SLC5A1: variants seen among roughly 807,000 people sequenced by gnomAD.
SLC5A1 encodes sodium/glucose cotransporter 1.
Under a neutral mutation model 73.5 loss-of-function variants are expected in SLC5A1, and 42 were observed. That is an observed-to-expected ratio of 0.57 (90% CI 0.45 to 0.74). The LOEUF (loss-of-function observed/expected upper bound fraction) is 0.74. SLC5A1 is among the 30% of genes least tolerant of loss of function. The pLI is 0.00. For missense variants in SLC5A1, 634 were observed against 855.4 expected (o/e 0.74, Z 3.23); for synonymous variants, 300 against 317.4 (o/e 0.95, Z 0.58).
intron 2 of SLC5A1, among the ~76,000 whole-genome samples, chr22:32,060,612 C>T (rs2093960851): frequency 6.6e-6 from 1 of 152,112 alleles, no homozygotes; most frequent in Non-Finnish European, 1.5e-5. Flanking sequence ...ATTCTGTCCC[C>T]CCAATTGCAG....
intron 6 of SLC5A1, 49 bp downstream of exon 6, chr22:32,082,020 G>A (rs1224687924): frequency 1.0e-5 from 12 of 1,164,490 alleles, no homozygotes; most frequent in African/African-American, 1.5e-5. Flanking sequence ...TCGGGATCAG[G>A]CACTAGTGAA....
chr22:32,061,010 C>T (rs1040885910), intron 2 of SLC5A1, among the ~76,000 whole-genome samples: 13 of 152,260 alleles, frequency 8.5e-5, no homozygotes, highest in Non-Finnish European at 1.2e-4. Flanking sequence ...GCATAAGAAT[C>T]ACCCGAAGAG....
chr22:32,077,956 A>G (rs1454981038), intron 5 of SLC5A1, among the ~76,000 whole-genome samples: 2 of 152,226 alleles, frequency 1.3e-5, no homozygotes, highest in Admixed American at 1.3e-4. Context: ...GGAGATGCAC[A>G]CTTTAACTCC....
intron 6 of SLC5A1, 50 bp from the exon 7 acceptor site, chr22:32,083,023 AC>A: frequency 2.0e-6 from 3 of 1,533,134 alleles, no homozygotes; most frequent in Non-Finnish European, 2.7e-6. Flanking sequence ...AAGCAAGTAG[AC>A]AGGTCACCCT....
intron 2 of SLC5A1, among the ~76,000 whole-genome samples, chr22:32,063,981 G>A (rs2093968019): frequency 6.6e-6 from 1 of 152,170 alleles, no homozygotes; most frequent in Non-Finnish European, 1.5e-5. Flanking sequence ...GGGACTTCAG[G>A]ACAGCCTGAC....
rs563056086 is a variant in SLC5A1, at chr22:32,043,924, G to A, written c.135+508G>A. Among the ~76,000 whole-genome samples the A allele has an allele frequency of 6.6e-6, 1 of 152,216 alleles. No homozygotes were observed. Among genetic ancestry groups the A allele is most frequent in the African/African-American group, 2.4e-5 (1 of 41,462 alleles). ...GCTGACCCATGCCCCACTCCTGGGA[G>A]AGGCTAACCCAGAGGCCTTGTGCAT... is the stretch of plus-strand genomic sequence containing the variant. On this transcript the variant is annotated intron_variant, in intron 1 of 14. Transcript: ENST00000266088. This position sits in a 1 kb window ranked among gnomAD's most constrained non-coding sequence, Gnocchi z 6.5.
chr22:32,077,660 T>C lies in SLC5A1; in HGVS notation c.478-4206T>C, dbSNP rs140990832. 1.3e-3 allele frequency among the ~76,000 whole-genome samples: 193 copies of C among 152,344 alleles called. 1 individual carries two copies. The highest frequency in any genetic ancestry group is 4.5e-3 in the African/African-American group (186 of 41,568). On this transcript the variant is annotated intron_variant, in intron 5 of 14. Coordinates refer to ENST00000266088, the MANE Select transcript of SLC5A1 (RefSeq NM_000343.4). ...CCTTATATTCACCACTCAGATTTTA[T>C]AGATCTTAACAATATATTATTTGTA...
intron 10 of SLC5A1, among the ~76,000 whole-genome samples, chr22:32,087,954 T>G (rs2094010840): frequency 6.6e-6 from 1 of 152,124 alleles, no homozygotes; most frequent in Non-Finnish European, 1.5e-5. Flanking sequence ...ATTGAGGAAT[T>G]CGGGAGAGTC....
chr22:32,099,097 AAAAAAAAAATATATAT>A (rs1184617567), intron 11 of SLC5A1, 70 bp from the exon 12 acceptor site: 5 of 161,750 alleles, frequency 3.1e-5, no homozygotes, highest in African/African-American at 5.9e-5. Context: ...AAAAAAAAAA[AAAAAAAAAATATATAT>A]ATATATATAT....
At chr22:32,098,163 T>C (rs1236683618) in intron 11 of SLC5A1, among the ~76,000 whole-genome samples, 1 of 152,254 alleles carries the variant, frequency 6.6e-6, no homozygotes, top group Non-Finnish European at 1.5e-5. Flanking sequence ...TGGATGTCCA[T>C]CTACCCTATA....
intron 3 of SLC5A1, 32 bp downstream of exon 3, chr22:32,067,071 G>C: frequency 6.7e-7 from 1 of 1,497,368 alleles, no homozygotes; most frequent in Middle Eastern, 1.8e-4. Flanking sequence ...GTGCACTGGG[G>C]CTGGAAGGAG....
Position 32,084,455 on chromosome 22 carries a change from A to C in SLC5A1, c.681A>C (p.Gly227=), listed in dbSNP as rs1159673228. The part of the protein sequence containing the change: ...ILTGFAFHEV[G]GYDAFMEKYM... ...GTTTTCCAGCTTTTCACGAAGTGGG[A>C]GGCTATGACGCCTTCATGGAAAAGT... The change falls in exon 8 of 15, where the codon GGA becomes GGC. Residue 227 remains glycine, a synonymous_variant. Transcript: ENST00000266088. 1.2e-6 allele frequency: 2 copies of C among 1,614,008 alleles called. No homozygotes were observed. The highest frequency in any genetic ancestry group is 2.7e-5 in the African/African-American group (2 of 74,942).
intron 2 of SLC5A1, among the ~76,000 whole-genome samples, chr22:32,055,567 C>A (rs1393126240): frequency 2.0e-5 from 3 of 152,144 alleles, no homozygotes; most frequent in African/African-American, 7.2e-5. Context: ...AGGAGGTTCT[C>A]ACCCCACTGT....
At chr22:32,108,200 G>A (rs979480807) in intron 14 of SLC5A1, among the ~76,000 whole-genome samples, 4 of 151,144 alleles carry the variant, frequency 2.6e-5, no homozygotes, top group Non-Finnish European at 4.4e-5. Flanking sequence ...TTCACCTCCC[G>A]GGTTCACGCC....
In SLC5A1 at chr22:32,043,405, G is replaced by A. The variant is rs201691537; in HGVS notation, c.124G>A (p.Val42Ile). The change falls in exon 1 of 15, where the codon GTC becomes ATC. Residue 42 changes from valine (V) to isoleucine (I), a missense_variant. Around this residue, in one of 3 missense-constraint regions of SLC5A1, gnomAD observed 422 missense variants for 626.1 expected, o/e 0.67. Transcript: ENST00000266088. The surrounding 1 kb of genome is among the most constrained non-coding windows in gnomAD (Gnocchi z 6.5). ...IVIYFVVVMA[V>I]GLWAMFSTNR... Reference sequence around the variant, plus strand: ...TATCTACTTCGTGGTAGTGATGGCCGTCGGACTGTGGGTATGCAGCGGGTT... The same window carrying A: ...TATCTACTTCGTGGTAGTGATGGCCATCGGACTGTGGGTATGCAGCGGGTT... 1.3e-5 allele frequency: 21 copies of A among 1,613,742 alleles called. No individual in the cohort carries two copies. In the East Asian group the frequency reaches 2.2e-4, roughly 17 times the overall value.
In SLC5A1 at chr22:32,084,678, CG is replaced by C. The variant is rs1569310817; in HGVS notation, c.885+22del. 3.7e-6 allele frequency: 6 copies of C among 1,601,216 alleles called. No homozygotes were observed. Among genetic ancestry groups the C allele is most frequent in the Non-Finnish European group, 5.1e-6 (6 of 1,168,734 alleles). ...AGATCAGGTACCCAAGCTGGATGTG[CG>C]GGATGGACAGAGTCTTCTCCAGGGC... On this transcript the variant is annotated intron_variant, in intron 8 of 14. Transcript: ENST00000266088.
Position 32,104,770 on chromosome 22 carries a change from T to C in SLC5A1, c.1666-16T>C. ...TATTTGGATCTTTCTGTTGACCTGTTCTGCCTTCTCTGCAGCTCTACCGTC... is the reference window on the plus strand; with the variant it reads ...TATTTGGATCTTTCTGTTGACCTGTCCTGCCTTCTCTGCAGCTCTACCGTC... On this transcript the variant is annotated splice_polypyrimidine_tract_variant and intron_variant, in intron 13 of 14. Coordinates refer to ENST00000266088, the MANE Select transcript of SLC5A1 (RefSeq NM_000343.4). 6.2e-7 allele frequency: 1 copy of C among 1,609,094 alleles called. No individual in the cohort carries two copies. The highest frequency in any genetic ancestry group is 8.5e-7 in the Non-Finnish European group (1 of 1,175,488).
chr22:32,096,418 A>C (rs1282589790), intron 11 of SLC5A1, among the ~76,000 whole-genome samples: 1 of 151,962 alleles, frequency 6.6e-6, no homozygotes, highest in African/African-American at 2.4e-5. Context: ...ACTGCCCCAC[A>C]CTGTCCTCCT....
chr22:32,092,016 G>A (rs919011295), intron 11 of SLC5A1, among the ~76,000 whole-genome samples: 1 of 152,036 alleles, frequency 6.6e-6, no homozygotes, highest in Non-Finnish European at 1.5e-5. Flanking sequence ...CTCTTTAGTG[G>A]TGATTTGTGA....
Sources: allele counts gnomAD v4.1 joint callset (sites outside exome capture counted in the v4.1 genomes callset), GRCh38; gene constraint gnomAD v4.1.1; regional missense constraint gnomAD v4.1.1; non-coding constraint Gnocchi (gnomAD v3.1); transcripts MANE v1.5; gene names NCBI Gene and HGNC (gene_info 2026-07-23, HGNC 2026-07-21).